EPHA5: variants seen among roughly 807,000 people sequenced by gnomAD.
EPHA5 encodes the protein ephrin type-A receptor 5.
Under a neutral mutation model 105.0 loss-of-function variants are expected in EPHA5, and 60 were observed. The observed-to-expected ratio is 0.57, with a 90% confidence interval of 0.46 to 0.71. EPHA5 has a LOEUF of 0.71. EPHA5 is among the 30% of genes least tolerant of loss of function. EPHA5 has a pLI of 0.00. For synonymous variants in EPHA5, 513 were observed against 449.1 expected, an observed-to-expected ratio of 1.14 and a Z score of -1.80; for missense variants, 1,218 against 1,274.7, an observed-to-expected ratio of 0.96 and a Z score of 0.68.
chr4:65,661,123 A>AT (rs1749522529), intron 1 of EPHA5, among the ~76,000 whole-genome samples: 2 of 152,322 alleles, frequency 1.3e-5, no homozygotes, highest in South Asian at 2.1e-4. Flanking sequence ...AATACAGATA[A>AT]TTGAGTTGAA....
At chr4:65,539,507 A>G (rs1480413979) in intron 3 of EPHA5, among the ~76,000 whole-genome samples, 1 of 151,584 alleles carries the variant, frequency 6.6e-6, no homozygotes, top group Non-Finnish European at 1.5e-5. Context: ...TTCTATAACC[A>G]TGTTCAATTG....
At chr4:65,636,912 G>T (rs1747172452) in intron 2 of EPHA5, among the ~76,000 whole-genome samples, 1 of 152,074 alleles carries the variant, frequency 6.6e-6, no homozygotes, top group Admixed American at 6.6e-5. Flanking sequence ...GTGCCTAGAA[G>T]ACTGAGGGAA....
intron 5 of EPHA5, among the ~76,000 whole-genome samples, chr4:65,452,080 G>T (rs967442169): frequency 2.6e-5 from 4 of 152,100 alleles, no homozygotes. Context: ...TAAATCATCA[G>T]AAGATCAGCA....
chr4:65,354,063 T>G (rs1000063767), intron 11 of EPHA5, among the ~76,000 whole-genome samples: 12 of 151,774 alleles, frequency 7.9e-5, no homozygotes, highest in Non-Finnish European at 8.8e-5. Context: ...AGTCAATTCT[T>G]ATCTCTGTGC....
intron 3 of EPHA5, among the ~76,000 whole-genome samples, chr4:65,586,564 C>A (rs1742146232): frequency 6.6e-6 from 1 of 151,860 alleles, no homozygotes; most frequent in Admixed American, 6.6e-5. Flanking sequence ...CTTCCCCTGT[C>A]ATTCCAGTAA....
chr4:65,495,836 A>G (rs1731878941), intron 3 of EPHA5, among the ~76,000 whole-genome samples: 3 of 152,272 alleles, frequency 2.0e-5, no homozygotes, highest in African/African-American at 7.2e-5. Context: ...ATTTTTATGT[A>G]TTTAAAACTG....
At chr4:65,596,618 T>C (rs573059123) in intron 3 of EPHA5, among the ~76,000 whole-genome samples, 3 of 152,096 alleles carry the variant, frequency 2.0e-5, no homozygotes, top group African/African-American at 7.2e-5. Flanking sequence ...TCTTGTGTAA[T>C]GTTTGTAAAT....
At chr4:65,544,551 G>A (rs78773425) in intron 3 of EPHA5, among the ~76,000 whole-genome samples, 6 of 152,078 alleles carry the variant, frequency 3.9e-5, no homozygotes, top group Admixed American at 3.9e-4. Flanking sequence ...CAGTCAGAAT[G>A]GCAATTATTA....
intron 8 of EPHA5, among the ~76,000 whole-genome samples, chr4:65,400,074 AAAG>A (rs1176450581): frequency 6.6e-6 from 1 of 152,212 alleles, no homozygotes; most frequent in African/African-American, 2.4e-5. Context: ...AAAAGAGGAA[AAAG>A]TAAAGTGAAA....
chr4:65,662,257 G>A (rs1048290708), intron 1 of EPHA5, among the ~76,000 whole-genome samples: 1 of 152,064 alleles, frequency 6.6e-6, no homozygotes, highest in Non-Finnish European at 1.5e-5. Flanking sequence ...CCAATACTTA[G>A]CCTGAAACAT....
At chr4:65,585,664 A>G (rs992534840) in intron 3 of EPHA5, among the ~76,000 whole-genome samples, 3 of 151,864 alleles carry the variant, frequency 2.0e-5, no homozygotes, top group Admixed American at 1.3e-4. Context: ...GAAAATCTGA[A>G]GATTATTGGA....
intron 8 of EPHA5, among the ~76,000 whole-genome samples, chr4:65,383,032 T>A (rs1719717231): frequency 6.7e-6 from 1 of 149,152 alleles, no homozygotes; most frequent in Admixed American, 6.8e-5. Flanking sequence ...TAATTAAACA[T>A]ATAATTTATA....
chr4:65,621,450 CATA>C (rs1055072626), intron 2 of EPHA5, among the ~76,000 whole-genome samples: 2 of 152,074 alleles, frequency 1.3e-5, no homozygotes, highest in Non-Finnish European at 2.9e-5. Flanking sequence ...ATAGTAAGTA[CATA>C]ATAATTTTTA....
At chr4:65,456,682 G>T (rs1727624540) in intron 5 of EPHA5, among the ~76,000 whole-genome samples, 1 of 151,292 alleles carries the variant, frequency 6.6e-6, no homozygotes, top group Admixed American at 6.6e-5. Flanking sequence ...TCTATCAAAG[G>T]ATATCAGTTG....
At chr4:65,640,111 CAAACCTGGCATATT>C (rs1560808296) in intron 2 of EPHA5, among the ~76,000 whole-genome samples, 1 of 151,940 alleles carries the variant, frequency 6.6e-6, no homozygotes, top group Non-Finnish European at 1.5e-5. Context: ...TTTGTTATTG[CAAACCTGGCATATT>C]AAATAAAGTA....
At chr4:65,373,508 T>A (rs1245404185) in intron 8 of EPHA5, among the ~76,000 whole-genome samples, 1 of 151,900 alleles carries the variant, frequency 6.6e-6, no homozygotes, top group Non-Finnish European at 1.5e-5. Flanking sequence ...GAAACAGAAT[T>A]AATATAGAGA....
At chr4:65,527,090 G>C (rs148475716) in intron 3 of EPHA5, among the ~76,000 whole-genome samples, 142 of 152,090 alleles carry the variant, frequency 9.3e-4, no homozygotes, top group Non-Finnish European at 1.7e-3. Context: ...TTTGTATATA[G>C]TGCTTAGGAC....
chr4:65,370,147 C>G (rs971065725), intron 8 of EPHA5, among the ~76,000 whole-genome samples: 3 of 152,038 alleles, frequency 2.0e-5, no homozygotes, highest in Non-Finnish European at 4.4e-5. Context: ...ATTCATAACA[C>G]TTAGATACAT....
At chr4:65,557,035 A>G (rs933200869) in intron 3 of EPHA5, among the ~76,000 whole-genome samples, 1 of 151,688 alleles carries the variant, frequency 6.6e-6, no homozygotes, top group African/African-American at 2.4e-5. Flanking sequence ...CACTTTCTGT[A>G]GTTTCTTCTT....
Sources: allele counts gnomAD v4.1 joint callset (sites outside exome capture counted in the v4.1 genomes callset), GRCh38; gene constraint gnomAD v4.1.1; transcripts MANE v1.5; gene names NCBI Gene and HGNC (gene_info 2026-07-23, HGNC 2026-07-21).